Variants in UBE2B observed in about 807,000 individuals in gnomAD.
The protein encoded by UBE2B is ubiquitin conjugating enzyme E2 B, also known as ubiquitin-conjugating enzyme E2 B.
Under a neutral mutation model 24.6 loss-of-function variants are expected in UBE2B, and 11 were observed. The ratio of observed to expected loss-of-function variants is 0.45; its 90% confidence interval spans 0.28 to 0.74. The LOEUF is 0.74. UBE2B is among the 30% of genes least tolerant of loss of function. The probability of loss-of-function intolerance (pLI) is 0.13; values close to 1 mark genes in which losing one functional copy is unlikely to be tolerated. For synonymous variants in UBE2B, 68 were observed against 62.4 expected (o/e 1.09, Z -0.42); for missense variants, 78 against 185.6 (o/e 0.42, Z 3.37).
At chr5:134,371,739 C>A (rs1054080040) in intron 1 of UBE2B, 100 bp downstream of exon 1, 3 of 1,532,144 alleles carry the variant, frequency 2.0e-6, no homozygotes, top group Non-Finnish European at 2.7e-6. Context: ...CTCAGAGGGC[C>A]GGCTGTGGGC....
Position 134,388,213 on chromosome 5 carries a change from AGTT to A in UBE2B, c.242-111_242-109del, listed in dbSNP as rs1362135972. The A allele has an allele frequency of 8.3e-6, 7 of 838,928 alleles. No individual in the cohort carries two copies. In the Admixed American group the frequency reaches 1.2e-4, roughly 14 times the overall value. The allele number at this position is 838,928 out of a possible 1,614,324, so 52.0% of individuals were successfully genotyped here. On this transcript the variant is annotated intron_variant, in intron 4 of 5. Coordinates refer to ENST00000265339, the MANE Select transcript of UBE2B (RefSeq NM_003337.4). ...GTTATCCTGTGATACAGAAGAATTT[AGTT>A]ATTACCTAATATTTAAAACTTCTAA... is the stretch of plus-strand genomic sequence containing the variant.
chr5:134,373,599 G>T (rs2149689649), intron 1 of UBE2B, among the ~76,000 whole-genome samples: 1 of 152,172 alleles, frequency 6.6e-6, no homozygotes, highest in South Asian at 2.1e-4. Flanking sequence ...CTCGTCACTT[G>T]CATTAGGTAT....
chr5:134,388,920 G>A (rs1758852216), intron 5 of UBE2B: 1 of 304,698 alleles, frequency 3.3e-6, no homozygotes, highest in African/African-American at 2.6e-5. Context: ...TCTTTTTAAA[G>A]TTTTTTCTCT....
intron 3 of UBE2B, among the ~76,000 whole-genome samples, chr5:134,378,335 C>G (rs371147264): frequency 6.6e-6 from 1 of 152,146 alleles, no homozygotes; most frequent in African/African-American, 2.4e-5. Flanking sequence ...TCTTGGCTCA[C>G]TGAAGCCTCC....
chr5:134,378,346 G>A (rs1758645978), intron 3 of UBE2B, among the ~76,000 whole-genome samples: 1 of 151,982 alleles, frequency 6.6e-6, no homozygotes, highest in South Asian at 2.1e-4. Flanking sequence ...TGAAGCCTCC[G>A]CCTCCGAGGT....
intron 3 of UBE2B, among the ~76,000 whole-genome samples, chr5:134,377,132 C>T (rs1194316502): frequency 4.6e-5 from 7 of 152,188 alleles, no homozygotes; most frequent in Non-Finnish European, 1.0e-4. Flanking sequence ...AAGTAGTTAT[C>T]ATTTTGCATA....
Position 134,390,167 on chromosome 5 carries a change from C to T in UBE2B, c.331-58C>T. 2 of 1,601,432 alleles carry T rather than the reference C, an allele frequency of 1.2e-6. No homozygotes were observed. Among genetic ancestry groups the T allele is most frequent in the East Asian group, 2.2e-5 (1 of 44,750 alleles). Reference sequence around the variant, plus strand: ...TTTCTGTAATATATTCCATATCTGACCCCTGTTGGTATAAAGAACAACTAT... The same window carrying T: ...TTTCTGTAATATATTCCATATCTGATCCCTGTTGGTATAAAGAACAACTAT... On this transcript the variant is annotated intron_variant, in intron 5 of 5. Transcript: ENST00000265339. This position sits in a 1 kb window ranked among gnomAD's most constrained non-coding sequence, Gnocchi z 4.6.
Position 134,376,336 on chromosome 5 carries a change from A to ATATAT in UBE2B, c.126-333_126-332insTATAT, listed in dbSNP as rs1412262320. Among the ~76,000 whole-genome samples, 4 of 4,116 alleles carry ATATAT rather than the reference A, an allele frequency of 9.7e-4. 1 individual carries two copies. Among genetic ancestry groups the ATATAT allele is most frequent in the African/African-American group, 2.1e-3 (4 of 1,944 alleles). The allele number at this position is 4,116 out of a possible 152,430, so 2.7% of individuals were successfully genotyped here. A position where few individuals can be genotyped will look rare whatever the true frequency, so the allele number is the denominator to read the frequency against. ...AAACTCCGTCTCAAAAAAAAAAAAA[A>ATATAT]AAAAAAAAAAAAATATATATATATA... On this transcript the variant is annotated intron_variant, in intron 2 of 5. Transcript: ENST00000265339.
chr5:134,382,282 A>G (rs1038674249), intron 4 of UBE2B, among the ~76,000 whole-genome samples: 3 of 151,130 alleles, frequency 2.0e-5, no homozygotes, highest in Non-Finnish European at 4.4e-5. Flanking sequence ...GCGAGGTCCC[A>G]TCCCTATAAA....
chr5:134,383,034 G>A (rs1306101084), intron 4 of UBE2B, among the ~76,000 whole-genome samples: 3 of 151,984 alleles, frequency 2.0e-5, no homozygotes, highest in East Asian at 1.9e-4. Context: ...GCATGGTGGC[G>A]CATGCCTGTG....
At chr5:134,373,285 T>C (rs1758526242) in intron 1 of UBE2B, among the ~76,000 whole-genome samples, 1 of 151,890 alleles carries the variant, frequency 6.6e-6, no homozygotes, top group Non-Finnish European at 1.5e-5. Context: ...GTGTTTTCAG[T>C]CATTTTGTGT....
chr5:134,378,389 A>G (rs1042653186), intron 3 of UBE2B, among the ~76,000 whole-genome samples: 3 of 152,030 alleles, frequency 2.0e-5, no homozygotes, highest in African/African-American at 7.2e-5. Context: ...CCTTCCAAGT[A>G]GCTGGGATTA....
chr5:134,388,293 G>A (rs1758839339), intron 4 of UBE2B, 32 bp from the exon 5 acceptor site: 2 of 1,566,254 alleles, frequency 1.3e-6, no homozygotes, highest in African/African-American at 1.4e-5. Flanking sequence ...ATATGGCAGA[G>A]TGTGTAACTA....
At chr5:134,388,099 G>A (rs1758835839) in intron 4 of UBE2B, 1 of 547,378 alleles carries the variant, frequency 1.8e-6, no homozygotes, top group Non-Finnish European at 3.3e-6. Context: ...ACCGTGCCCA[G>A]CCTCCAGCAA....
At chr5:134,375,100 T>G (rs1224199433) in intron 2 of UBE2B, among the ~76,000 whole-genome samples, 1 of 152,208 alleles carries the variant, frequency 6.6e-6, no homozygotes, top group African/African-American at 2.4e-5. Context: ...AATAAGTTAC[T>G]TTATATAAAA....
intron 3 of UBE2B, 34 bp downstream of exon 3, chr5:134,376,728 A>G: frequency 6.3e-7 from 1 of 1,583,528 alleles, no homozygotes; most frequent in Non-Finnish European, 8.6e-7. Context: ...CTATAGTGTT[A>G]TGAGGTTACT....
chr5:134,386,944 A>C (rs1177411905), intron 4 of UBE2B, among the ~76,000 whole-genome samples: 2 of 150,722 alleles, frequency 1.3e-5, no homozygotes, highest in African/African-American at 4.9e-5. Flanking sequence ...ACCACAAGGT[A>C]GAATTAGTTT....
rs34872345 is a variant in UBE2B, at chr5:134,375,351, TTTTC to T, written c.125+893_125+896del. 3.3e-3 allele frequency among the ~76,000 whole-genome samples: 501 copies of T among 152,354 alleles called. 1 individual carries two copies. Among genetic ancestry groups the T allele is most frequent in the African/African-American group, 0.011 (474 of 41,582 alleles). On this transcript the variant is annotated intron_variant, in intron 2 of 5. Transcript: ENST00000265339. ...TTGGTTTTTCTAGACTTGATCTATTTTTTCTTTCATTCCTTTGAAACTAGAGTTT... is the reference window on the plus strand; with the variant it reads ...TTGGTTTTTCTAGACTTGATCTATTTTTTCATTCCTTTGAAACTAGAGTTT...
Position 134,375,797 on chromosome 5 carries a change from CAAAAAAAAAAAAAAA to C in UBE2B, c.126-857_126-843del, listed in dbSNP as rs775635194. Among the ~76,000 whole-genome samples the C allele has an allele frequency of 2.0e-4, 6 of 29,892 alleles. No homozygotes were observed. In the East Asian group the frequency reaches 7.0e-3, roughly 35 times the overall value. The allele number at this position is 29,892 out of a possible 152,430, so 19.6% of individuals were successfully genotyped here. A position where few individuals can be genotyped will look rare whatever the true frequency, so the allele number is the denominator to read the frequency against. On this transcript the variant is annotated intron_variant, in intron 2 of 5. Coordinates refer to ENST00000265339, the MANE Select transcript of UBE2B (RefSeq NM_003337.4). Reference sequence around the variant, plus strand: ...CCTGGGCGACAGCGAGACTCCGTCTCAAAAAAAAAAAAAAAAAAAAAAAAAAAAACTTTATGCTGC... The same window carrying C: ...CCTGGGCGACAGCGAGACTCCGTCTCAAAAAAAAAAAAAACTTTATGCTGC...
Sources: allele counts gnomAD v4.1 joint callset (sites outside exome capture counted in the v4.1 genomes callset), GRCh38; gene constraint gnomAD v4.1.1; non-coding constraint Gnocchi (gnomAD v3.1); transcripts MANE v1.5; gene names NCBI Gene and HGNC (gene_info 2026-07-23, HGNC 2026-07-21).